NUMA1: variants seen among roughly 807,000 people sequenced by gnomAD.
NUMA1 encodes nuclear mitotic apparatus protein 1, also known as SP-H antigen.
A neutral mutation model predicts 237.1 loss-of-function variants in NUMA1; 62 were observed. The observed-to-expected ratio is 0.26, with a 90% CI of 0.21 to 0.32. The LOEUF is 0.32. Ranked by LOEUF, NUMA1 falls within the 10% of genes least tolerant of loss-of-function variation. NUMA1 has a pLI of 1.00. For synonymous variants in NUMA1, 1,028 were observed against 1,066.1 expected (o/e 0.96, Z 0.70); for missense variants, 2,533 against 2,666.5 (o/e 0.95, Z 1.10).
chr11:72,032,248 A>G (rs79438504), intron 3 of NUMA1, among the ~76,000 whole-genome samples: 3,472 of 152,280 alleles, frequency 0.023, 132 homozygotes, highest in African/African-American at 0.079. Context: ...TTGACGTCTT[A>G]AAGAGTTTGC....
intron 15 of NUMA1, among the ~76,000 whole-genome samples, 169 bp from the exon 16 acceptor site, chr11:72,012,611 G>C (rs1358466613): frequency 1.3e-5 from 2 of 152,222 alleles, no homozygotes; most frequent in South Asian, 4.1e-4. Flanking sequence ...AGTGGCTCCT[G>C]AGGCATCCAG....
chr11:72,015,230 T>A lies in NUMA1; in HGVS notation c.2273A>T (p.Glu758Val). 6.2e-7 allele frequency: 1 copy of A among 1,613,580 alleles called. No homozygotes were observed. Among genetic ancestry groups the A allele is most frequent in the Non-Finnish European group, 8.5e-7 (1 of 1,180,038 alleles). The change falls in exon 15 of 27, where the codon GAA becomes GTA. Residue 758 changes from glutamate to valine, a missense_variant. Coordinates refer to ENST00000393695, the MANE Select transcript of NUMA1 (RefSeq NM_006185.4). The surrounding 1 kb of genome is among the most constrained non-coding windows in gnomAD (Gnocchi z 4.0). ...CCCCTTGCGCCCAGCCCTCTCTTCT[T>A]CCAGCTCCTTTCGTTCCCGCTTATG... Reference protein sequence around the residue: ...EQHKRERKELEEERAGRKGLE... With the variant: ...EQHKRERKELVEERAGRKGLE...
rs1943617111 is a variant in NUMA1, at chr11:72,074,551, C to A, written c.-102-4640G>T. Among the ~76,000 whole-genome samples, 3 of 152,090 alleles carry A rather than the reference C, an allele frequency of 2.0e-5. No homozygotes were observed. The South Asian group carries it at 6.2e-4, about 31-fold the overall frequency. ...CTCAAGAGTTTGAGACCAGCCTGGG[C>A]AACATAGTGAGACCTCGTCTCTACT... On this transcript the variant is annotated intron_variant, in intron 1 of 26. Coordinates refer to ENST00000393695, the MANE Select transcript of NUMA1 (RefSeq NM_006185.4).
intron 2 of NUMA1, among the ~76,000 whole-genome samples, chr11:72,061,800 T>C (rs1367305201): frequency 6.6e-6 from 1 of 152,110 alleles, no homozygotes; most frequent in Non-Finnish European, 1.5e-5. Flanking sequence ...TTATTTAATT[T>C]CATCTGGTTC....
intron 3 of NUMA1, among the ~76,000 whole-genome samples, chr11:72,030,564 C>T (rs1940173015): frequency 6.6e-6 from 1 of 152,152 alleles, no homozygotes; most frequent in Admixed American, 6.5e-5. Flanking sequence ...ACATGGTCAA[C>T]CTCTACAGGA....
chr11:72,004,564 C>T, intron 24 of NUMA1, 76 bp downstream of exon 24: 3 of 1,461,792 alleles, frequency 2.1e-6, no homozygotes, highest in Non-Finnish European at 2.8e-6. Context: ...AGAGAGAAGG[C>T]TCCCTTTAGT....
At chr11:72,008,521 T>C (rs1955911535) in intron 20 of NUMA1, 167 bp downstream of exon 20, 1 of 772,156 alleles carries the variant, frequency 1.3e-6, no homozygotes, top group Admixed American at 2.5e-5. Flanking sequence ...GACCACTTGC[T>C]TTTTATTCCA....
At position 72,014,088 on chromosome 11, in the gene NUMA1, G is replaced by A; in HGVS notation, c.3415C>T (p.Gln1139Ter). ...TCCAGGCTGTCAGCCTGCTCCTGCT[G>A]CTTCTGGCATTGCTGTTCCAGCTTG... ...VSKLEQQCQK[Q>*]QEQADSLERS... Residue 1139 changes from glutamine to a stop codon, truncating the protein, a stop_gained, in exon 15 of 27, where the codon CAG becomes TAG. Transcript: ENST00000393695. LOFTEE classifies it high-confidence loss of function. This position sits in a 1 kb window ranked among gnomAD's most constrained non-coding sequence, Gnocchi z 4.6. The A allele has an allele frequency of 6.2e-7, 1 of 1,611,030 alleles. No homozygotes were observed. The highest frequency in any genetic ancestry group is 8.5e-7 in the Non-Finnish European group (1 of 1,180,020).
chr11:72,010,512 G>A (rs906647438), intron 17 of NUMA1, among the ~76,000 whole-genome samples: 4 of 152,218 alleles, frequency 2.6e-5, no homozygotes, highest in East Asian at 1.9e-4. Flanking sequence ...TGTGATTGAA[G>A]AACTGGATTT....
chr11:72,035,808 C>T (rs558897919), intron 3 of NUMA1, 94 bp downstream of exon 3: 3 of 1,139,484 alleles, frequency 2.6e-6, no homozygotes, highest in East Asian at 2.3e-5. Flanking sequence ...AATGAGAAGA[C>T]TTTACATAGC....
intron 24 of NUMA1, 65 bp from the exon 25 acceptor site, chr11:72,004,406 T>G (rs1342569952): frequency 2.1e-6 from 3 of 1,455,338 alleles, no homozygotes; most frequent in Non-Finnish European, 2.9e-6. Flanking sequence ...CCAGGTGTCT[T>G]GTCCTCTCAG....
chr11:72,040,396 G>C (rs933935951), intron 2 of NUMA1, among the ~76,000 whole-genome samples: 2 of 150,902 alleles, frequency 1.3e-5, no homozygotes, highest in African/African-American at 4.9e-5. Flanking sequence ...TCAGGAACCA[G>C]ACCTGCAACC....
chr11:72,021,472 AT>A (rs1338533945), intron 7 of NUMA1, among the ~76,000 whole-genome samples, 181 bp from the exon 8 acceptor site: 1 of 152,204 alleles, frequency 6.6e-6, no homozygotes, highest in Non-Finnish European at 1.5e-5. Context: ...TCAACTAGAG[AT>A]ATGTTCACCC....
rs373850262 is a variant in NUMA1, at chr11:72,062,601, C to T, written c.-33+7241G>A. 2.6e-5 allele frequency: 4 copies of T among 152,452 alleles called. No homozygotes were observed. The East Asian group carries it at 5.8e-4, about 22-fold the overall frequency. The allele number at this position is 152,452 out of a possible 1,614,324, so 9.4% of individuals were successfully genotyped here. A position where few individuals can be genotyped will look rare whatever the true frequency, so the allele number is the denominator to read the frequency against. Reference sequence around the variant, plus strand: ...TGGTGGTACGCACCTGTAATCCCAGCTACTTGGGAGGCTGAGGCAGGAGAA... The same window carrying T: ...TGGTGGTACGCACCTGTAATCCCAGTTACTTGGGAGGCTGAGGCAGGAGAA... On this transcript the variant is annotated intron_variant, in intron 2 of 26. Coordinates refer to ENST00000393695, the MANE Select transcript of NUMA1 (RefSeq NM_006185.4).
rs78471077 is a variant in NUMA1, at chr11:72,027,106, T to G, written c.128+2099A>C. 6.6e-5 allele frequency among the ~76,000 whole-genome samples: 10 copies of G among 152,334 alleles called. No homozygotes were observed. The East Asian group carries it at 1.9e-3, about 29-fold the overall frequency. ...CATCCTTACTCTTGGGCACATCTAC[T>G]GCTCTTGTCACCAGGCCAAGGAAAT... On this transcript the variant is annotated intron_variant, in intron 4 of 26. Coordinates refer to ENST00000393695, the MANE Select transcript of NUMA1 (RefSeq NM_006185.4).
intron 26 of NUMA1, 48 bp from the exon 27 acceptor site, chr11:72,003,586 C>G: frequency 6.2e-7 from 1 of 1,612,602 alleles, no homozygotes; most frequent in Non-Finnish European, 8.5e-7. Flanking sequence ...GCGATACTAG[C>G]CTGCACCCAC....
chr11:72,053,433 C>T (rs1244194864), intron 2 of NUMA1, among the ~76,000 whole-genome samples: 1 of 152,206 alleles, frequency 6.6e-6, no homozygotes, highest in Non-Finnish European at 1.5e-5. Flanking sequence ...TTGATAAATA[C>T]TTCTTGAATG....
chr11:72,033,364 G>GTTTTTT (rs58353057), intron 3 of NUMA1, among the ~76,000 whole-genome samples: 2 of 144,712 alleles, frequency 1.4e-5, no homozygotes, highest in African/African-American at 5.3e-5. Flanking sequence ...CATGTTCTTT[G>GTTTTTT]TTTTTTTTTT....
Position 72,037,728 on chromosome 11 carries a change from A to G in NUMA1, c.-32-1753T>C, listed in dbSNP as rs538011826. On this transcript the variant is annotated intron_variant, in intron 2 of 26. Coordinates refer to ENST00000393695, the MANE Select transcript of NUMA1 (RefSeq NM_006185.4). Reference sequence around the variant, plus strand: ...CCTGCAACATCCAACATGATTCCACATGTCATACCAGCATCAGTCTTGGAA... The same window carrying G: ...CCTGCAACATCCAACATGATTCCACGTGTCATACCAGCATCAGTCTTGGAA... 2.2e-4 allele frequency among the ~76,000 whole-genome samples: 34 copies of G among 152,326 alleles called. 1 individual carries two copies. The highest frequency in any genetic ancestry group is 2.2e-3 in the Admixed American group (34 of 15,302).
Sources: allele counts gnomAD v4.1 joint callset (sites outside exome capture counted in the v4.1 genomes callset), GRCh38; gene constraint gnomAD v4.1.1; non-coding constraint Gnocchi (gnomAD v3.1); transcripts MANE v1.5; gene names NCBI Gene and HGNC (gene_info 2026-07-23, HGNC 2026-07-21).